Variants in JAK1 observed in about 807,000 individuals in gnomAD.
JAK1 encodes Janus kinase 1.
In JAK1, 16 loss-of-function variants were observed where a neutral mutation model predicts 136.6. That is an observed-to-expected ratio of 0.12 (90% CI 0.08 to 0.18). JAK1 has a LOEUF of 0.18. Ranked by LOEUF, JAK1 falls within the 10% of genes least tolerant of loss-of-function variation. The probability of loss-of-function intolerance (pLI) is 1.00; values close to 1 mark genes in which losing one functional copy is unlikely to be tolerated. For missense variants in JAK1, 859 were observed against 1,450.1 expected, an observed-to-expected ratio of 0.59 and a Z score of 6.62; for synonymous variants, 492 against 519.5, an observed-to-expected ratio of 0.95 and a Z score of 0.72.
At chr1:64,967,993 G>C (rs1201204913), upstream of JAK1, among the ~76,000 whole-genome samples, 1 of 152,164 alleles carries the variant, frequency 6.6e-6, no homozygotes, top group African/African-American at 2.4e-5. Flanking sequence ...AAGGGGTTTT[G>C]CTGAAGGTGA....
chr1:64,986,202 T>G, intron 2 of JAK1: 1 of 374,662 alleles, frequency 2.7e-6, no homozygotes, highest in Non-Finnish European at 5.1e-6. Flanking sequence ...GCCTCCCGGG[T>G]TCAGGCGATT....
Position 64,834,530 on chromosome 1 carries a change from A to C in JAK1, c.*32T>G. ...ATTTGTTGCAGGAGAAGGACTTGAT[A>C]ATCTGTGGAATTTAAATGTTATTCA... On this transcript the variant is annotated 3_prime_UTR_variant, in exon 25 of 25. Coordinates refer to ENST00000342505, the MANE Select transcript of JAK1 (RefSeq NM_002227.4). 7.2e-7 allele frequency: 1 copy of C among 1,382,134 alleles called. No individual in the cohort carries two copies. Among genetic ancestry groups the C allele is most frequent in the Non-Finnish European group, 1.0e-6 (1 of 973,564 alleles). 85.6% of individuals were successfully genotyped at this position (1,382,134 alleles called of 1,614,324 possible). A position where few individuals can be genotyped will look rare whatever the true frequency, so the allele number is the denominator to read the frequency against.
chr1:64,920,744 T>C (rs1047297668), intron 1 of JAK1, among the ~76,000 whole-genome samples: 1 of 152,084 alleles, frequency 6.6e-6, no homozygotes. Context: ...CCCTCAGTTT[T>C]CCCCACTGTA....
At chr1:64,982,800 T>C (rs553082320) in intron 2 of JAK1, among the ~76,000 whole-genome samples, 1 of 151,854 alleles carries the variant, frequency 6.6e-6, no homozygotes, top group African/African-American at 2.4e-5. Context: ...TCAGAATTTT[T>C]ATCTTAAAAC....
In JAK1 at chr1:65,053,872, G is replaced by A. The variant is rs185487887; in HGVS notation, c.-180-9290C>T. ...AAGTTTGTGGCACACTTAAAATTGG[G>A]TGGTTATTCAGAGAAGCTAGAAATG... On this transcript the variant is annotated intron_variant, in intron 1 of 25. Transcript: ENST00000671954. Among the ~76,000 whole-genome samples the A allele has an allele frequency of 3.3e-5, 5 of 152,298 alleles. No individual in the cohort carries two copies. In the East Asian group the frequency reaches 9.7e-4, roughly 29 times the overall value.
intron 1 of JAK1, among the ~76,000 whole-genome samples, chr1:65,052,538 C>T (rs1275506240): frequency 1.3e-5 from 2 of 151,958 alleles, no homozygotes; most frequent in Non-Finnish European, 1.5e-5. Flanking sequence ...TCAGGCTGGG[C>T]GCAGTGGCTC....
At chr1:64,860,890 G>T in intron 8 of JAK1, among the ~76,000 whole-genome samples, 1 of 134,042 alleles carries the variant, frequency 7.5e-6, no homozygotes, top group African/African-American at 2.7e-5. Flanking sequence ...GGAGGCTGTG[G>T]CAGGCAGGGA....
chr1:64,954,093 G>C (rs1427348821), intron 1 of JAK1, among the ~76,000 whole-genome samples: 1 of 152,156 alleles, frequency 6.6e-6, no homozygotes, highest in African/African-American at 2.4e-5. Context: ...AAGTTTCCTA[G>C]GTTCTCATTT....
At chr1:64,953,498 AAC>A (rs1292057252) in intron 1 of JAK1, among the ~76,000 whole-genome samples, 1 of 152,196 alleles carries the variant, frequency 6.6e-6, no homozygotes, top group Non-Finnish European at 1.5e-5. Flanking sequence ...CGTGTTATAT[AAC>A]AGTCAGGTAA....
chr1:64,900,239 C>T (rs1557676026), intron 1 of JAK1, among the ~76,000 whole-genome samples: 1 of 152,104 alleles, frequency 6.6e-6, no homozygotes. Context: ...TTGTCATTGA[C>T]TGATAGAGAT....
intron 1 of JAK1, among the ~76,000 whole-genome samples, chr1:64,948,172 T>C (rs1239411803): frequency 3.3e-5 from 5 of 152,240 alleles, no homozygotes; most frequent in Non-Finnish European, 4.4e-5. Context: ...CCACTAATTA[T>C]TGGCCAGGCT....
chr1:64,907,022 T>C (rs1253637399), intron 1 of JAK1, among the ~76,000 whole-genome samples: 1 of 146,600 alleles, frequency 6.8e-6, no homozygotes, highest in Non-Finnish European at 1.5e-5. Flanking sequence ...AAAAAAAGAA[T>C]ATTTATGGAT....
At position 64,869,489 on chromosome 1, in the gene JAK1, G is replaced by A. The variant is rs1183219055; in HGVS notation, c.484-15C>T. On this transcript the variant is annotated splice_polypyrimidine_tract_variant and intron_variant, in intron 5 of 24. Coordinates refer to ENST00000342505, the MANE Select transcript of JAK1 (RefSeq NM_002227.4). The stretch of plus-strand genomic sequence containing the variant: ...TCATACTGTCCCTAGGAGCAAGGGG[G>A]AGAAACCATGAGAGCCCACCCGTTT... 6.2e-6 allele frequency: 10 copies of A among 1,610,280 alleles called. No homozygotes were observed. Among genetic ancestry groups the A allele is most frequent in the Non-Finnish European group, 4.2e-6 (5 of 1,177,602 alleles).
intron 1 of JAK1, chr1:64,942,051 A>G (rs563919252): frequency 6.6e-6 from 1 of 152,388 alleles, no homozygotes; most frequent in East Asian, 1.9e-4. Context: ...GATGAACATA[A>G]TAACAATATG....
intron 2 of JAK1, among the ~76,000 whole-genome samples, chr1:64,982,528 T>C (rs1458513487): frequency 6.6e-6 from 1 of 152,164 alleles, no homozygotes; most frequent in Non-Finnish European, 1.5e-5. Flanking sequence ...GTTGAAGGTA[T>C]GACCATTATA....
At chr1:64,948,069 T>G (rs72922255) in intron 1 of JAK1, among the ~76,000 whole-genome samples, 3,332 of 152,186 alleles carry the variant, frequency 0.022, 125 homozygotes, top group African/African-American at 0.077. Context: ...AACAGGAGGG[T>G]AATACATAGA....
chr1:64,838,389 A>T, intron 21 of JAK1, 76 bp downstream of exon 21: 1 of 1,451,880 alleles, frequency 6.9e-7, no homozygotes, highest in Non-Finnish European at 9.5e-7. Flanking sequence ...ACCCACTTAG[A>T]GTCAAATTAC....
In JAK1 at chr1:65,001,910, C is replaced by G. The variant is rs374354026; in HGVS notation, c.-78+42570G>C. 1.2e-4 allele frequency among the ~76,000 whole-genome samples: 18 copies of G among 152,058 alleles called. 1 individual carries two copies. The highest frequency in any genetic ancestry group is 3.3e-4 in the Admixed American group (5 of 15,272). On this transcript the variant is annotated intron_variant, in intron 2 of 25. Coordinates refer to the JAK1 transcript ENST00000671954. ...AGAGGGTGTTGACCTAGAATGACTG[C>G]GCAGGTCTCCTGTCCAGTGTTAAGG...
intron 2 of JAK1, chr1:65,022,876 G>T (rs1483982882): frequency 1.3e-5 from 2 of 152,062 alleles, no homozygotes; most frequent in Non-Finnish European, 1.5e-5. Context: ...AGTTGGTGGG[G>T]AATGATATTT....
Sources: gnomAD v4.1 joint callset for allele counts (sites outside exome capture counted in the v4.1 genomes callset) on GRCh38, gnomAD v4.1.1 for gene constraint, MANE v1.5 for transcripts, NCBI Gene and HGNC (gene_info 2026-07-23, HGNC 2026-07-21) for gene names.